The following ANO2 variants were observed in gnomAD, a reference collection of about 807,000 sequenced individuals.
ANO2 encodes the protein anoctamin 2.
In ANO2, 101 loss-of-function variants were observed where a neutral mutation model predicts 124.2. The ratio of observed to expected loss-of-function variants is 0.81; its 90% confidence interval spans 0.69 to 0.96. ANO2 has a LOEUF of 0.96. Among genes scored for constraint, ANO2 ranks in the 40% least tolerant of loss-of-function variants. The pLI is 0.00. For missense variants in ANO2, 1,293 were observed against 1,274.5 expected, an observed-to-expected ratio of 1.01 and a Z score of -0.22; for synonymous variants, 486 against 482.5, an observed-to-expected ratio of 1.01 and a Z score of -0.09.
intron 10 of ANO2, among the ~76,000 whole-genome samples, chr12:5,761,890 T>C (rs1951755095): frequency 6.6e-6 from 1 of 152,026 alleles, no homozygotes; most frequent in South Asian, 2.1e-4. Flanking sequence ...AACTTCAGAG[T>C]TCTTGCTTTG....
intron 14 of ANO2, among the ~76,000 whole-genome samples, chr12:5,708,331 CT>C (rs1451565299): frequency 6.6e-6 from 1 of 152,194 alleles, no homozygotes; most frequent in Non-Finnish European, 1.5e-5. Flanking sequence ...CGTAGTGCCC[CT>C]GTTGCTAAAA....
chr12:5,737,904 T>C (rs1950940004), intron 13 of ANO2, among the ~76,000 whole-genome samples: 3 of 152,338 alleles, frequency 2.0e-5, no homozygotes, highest in East Asian at 1.9e-4. Context: ...AATGCATATG[T>C]ATATTCTCTC....
intron 13 of ANO2, among the ~76,000 whole-genome samples, chr12:5,734,142 A>G (rs1294536212): frequency 6.6e-6 from 1 of 152,224 alleles, no homozygotes; most frequent in Non-Finnish European, 1.5e-5. Context: ...AGACTGGAAA[A>G]CACTAGAACG....
intron 14 of ANO2, among the ~76,000 whole-genome samples, chr12:5,655,816 C>G (rs563465947): frequency 2.6e-5 from 4 of 152,294 alleles, no homozygotes; most frequent in African/African-American, 9.6e-5. Flanking sequence ...TCCTTGTACT[C>G]CACAGCCTCT....
intron 23 of ANO2, among the ~76,000 whole-genome samples, chr12:5,574,074 G>A (rs756943308): frequency 2.0e-5 from 3 of 152,198 alleles, no homozygotes; most frequent in Non-Finnish European, 4.4e-5. Context: ...AAATATTATT[G>A]GGGATGGTCT....
intron 13 of ANO2, among the ~76,000 whole-genome samples, chr12:5,735,249 C>T (rs140085419): frequency 6.6e-6 from 1 of 152,106 alleles, no homozygotes; most frequent in African/African-American, 2.4e-5. Flanking sequence ...TTATCTGATA[C>T]CAAGTCATCA....
At chr12:5,610,050 T>TTA (rs1591726882) in intron 19 of ANO2, among the ~76,000 whole-genome samples, 1 of 136,606 alleles carries the variant, frequency 7.3e-6, no homozygotes, top group East Asian at 2.1e-4. Context: ...TATAAATATA[T>TTA]TATATATAAA....
intron 3 of ANO2, among the ~76,000 whole-genome samples, chr12:5,920,433 C>G (rs1565779720): frequency 6.6e-6 from 1 of 152,138 alleles, no homozygotes; most frequent in Non-Finnish European, 1.5e-5. Context: ...AATTTCTTGC[C>G]TTTAATGTCT....
At chr12:5,823,645 G>A (rs759300795) in intron 7 of ANO2, among the ~76,000 whole-genome samples, 12 of 152,344 alleles carry the variant, frequency 7.9e-5, no homozygotes, top group South Asian at 2.1e-4. Context: ...GGCACACAGC[G>A]CAAGCTGTCA....
intron 14 of ANO2, among the ~76,000 whole-genome samples, chr12:5,664,082 A>G (rs1164343413): frequency 4.6e-5 from 7 of 152,254 alleles, no homozygotes; most frequent in African/African-American, 1.7e-4. Context: ...ATTCAGGAAA[A>G]TTCATACATG....
At chr12:5,846,110 G>C (rs935519268) in intron 4 of ANO2, among the ~76,000 whole-genome samples, 15 of 152,166 alleles carry the variant, frequency 9.9e-5, no homozygotes, top group Non-Finnish European at 1.3e-4. Flanking sequence ...CTTCTTTGCA[G>C]ACACCTCTTA....
intron 23 of ANO2, among the ~76,000 whole-genome samples, chr12:5,565,871 TAG>T (rs1941721068): frequency 6.6e-6 from 1 of 152,226 alleles, no homozygotes; most frequent in South Asian, 2.1e-4. Flanking sequence ...AATGTCAGCC[TAG>T]AAATGTCCTA....
chr12:5,636,554 G>C lies in ANO2; in HGVS notation c.1621-1207C>G, dbSNP rs1408711732. On this transcript the variant is annotated intron_variant, in intron 15 of 24. Coordinates refer to ENST00000682330, the MANE Select transcript of ANO2 (RefSeq NM_001364791.2). The surrounding 1 kb of genome is among the most constrained non-coding windows in gnomAD (Gnocchi z 4.6). Reference sequence around the variant, plus strand: ...TGAAGGACTAAATAGAAAACGTAGGGAGAGAAAACAGCAGGTGGAAGGCTC... The same window carrying C: ...TGAAGGACTAAATAGAAAACGTAGGCAGAGAAAACAGCAGGTGGAAGGCTC... Among the ~76,000 whole-genome samples the C allele has an allele frequency of 6.6e-6, 1 of 151,554 alleles. No individual in the cohort carries two copies. The highest frequency in any genetic ancestry group is 1.5e-5 in the Non-Finnish European group (1 of 67,930).
At position 5,646,019 on chromosome 12, in the gene ANO2, C is replaced by T. The variant is rs151064673; in HGVS notation, c.1620+1708G>A. 2.0e-5 allele frequency among the ~76,000 whole-genome samples: 3 copies of T among 152,306 alleles called. No individual in the cohort carries two copies. In the East Asian group the frequency reaches 5.8e-4, roughly 29 times the overall value. On this transcript the variant is annotated intron_variant, in intron 15 of 24. Transcript: ENST00000682330. The stretch of plus-strand genomic sequence containing the variant: ...ATCCATAACAAGTTTTTTCTGCAGT[C>T]TCATAAGTGGGAAAGGGTGTGTATA...
At chr12:5,598,905 G>T (rs1473448929) in intron 20 of ANO2, among the ~76,000 whole-genome samples, 1 of 152,100 alleles carries the variant, frequency 6.6e-6, no homozygotes, top group East Asian at 1.9e-4. Flanking sequence ...AAGCCTTATC[G>T]AAAACAACTA....
At chr12:5,640,400 G>C (rs779554019) in intron 15 of ANO2, among the ~76,000 whole-genome samples, 7 of 152,130 alleles carry the variant, frequency 4.6e-5, no homozygotes, top group Non-Finnish European at 7.3e-5. Context: ...CTAGGGTAAT[G>C]CTAAGTCCTT....
At chr12:5,721,810 G>A in intron 14 of ANO2, among the ~76,000 whole-genome samples, 1 of 152,120 alleles carries the variant, frequency 6.6e-6, no homozygotes, top group Non-Finnish European at 1.5e-5. Context: ...GCCCAACTTA[G>A]GAAGTTCGTT....
intron 1 of ANO2, among the ~76,000 whole-genome samples, chr12:5,924,259 C>A (rs1228478211): frequency 6.6e-6 from 1 of 152,244 alleles, no homozygotes; most frequent in Non-Finnish European, 1.5e-5. Flanking sequence ...CTAGAACATT[C>A]GGTCCCTGCA....
Position 5,599,579 on chromosome 12 carries a change from T to C in ANO2, c.2138A>G (p.Glu713Gly), listed in dbSNP as rs528967840. 12 of 1,613,954 alleles carry C rather than the reference T, an allele frequency of 7.4e-6. No individual in the cohort carries two copies. The African/African-American group carries it at 1.5e-4, about 20-fold the overall frequency. Residue 713 changes from glutamate (E) to glycine (G), a missense_variant, in exon 20 of 25, where the codon GAA becomes GGA. Glu to Gly is a moderately conservative substitution (Grantham distance 98). Transcript: ENST00000682330. The part of the protein sequence containing the change: ...RKLKDETEAG[E>G]TDSAHSKHPE... ...ATGTTTCGAATGGGCAGAGTCAGTT[T>C]CTCCAGCTTCGGTCTCATCTTTCAG...
Sources: allele counts gnomAD v4.1 joint callset (sites outside exome capture counted in the v4.1 genomes callset), GRCh38; gene constraint gnomAD v4.1.1; non-coding constraint Gnocchi (gnomAD v3.1); transcripts MANE v1.5; gene names NCBI Gene and HGNC (gene_info 2026-07-23, HGNC 2026-07-21).